Variants in TCF20 observed in about 807,000 individuals in gnomAD.
TCF20 encodes transcription factor 20.
A neutral mutation model predicts 148.6 loss-of-function variants in TCF20; 3 were observed. The observed-to-expected ratio is 0.02, with a 90% CI of 0.01 to 0.05. The LOEUF (loss-of-function observed/expected upper bound fraction) is 0.05, where lower values mean the gene tolerates loss of function less well. Ranked by LOEUF, TCF20 falls within the 10% of genes least tolerant of loss-of-function variation. TCF20 has a pLI of 1.00. For synonymous variants in TCF20, 1,049 were observed against 909.5 expected (o/e 1.15, Z -2.76); for missense variants, 2,350 against 2,429.3 (o/e 0.97, Z 0.69).
At chr22:42,301,061 C>A (rs1317340096) in intron 1 of TCF20, among the ~76,000 whole-genome samples, 1 of 152,052 alleles carries the variant, frequency 6.6e-6, no homozygotes, top group African/African-American at 2.4e-5. Context: ...AAAGGAAGGT[C>A]CTAGGGCAGA....
intron 1 of TCF20, among the ~76,000 whole-genome samples, chr22:42,253,328 G>C (rs118066186): frequency 0.013 from 2,039 of 152,170 alleles, 23 homozygotes; most frequent in Non-Finnish European, 0.023. Context: ...TCCAGAAAGA[G>C]AATTTCCTAA....
At chr22:42,330,209 C>T (rs537743490) in intron 1 of TCF20, among the ~76,000 whole-genome samples, 1 of 152,310 alleles carries the variant, frequency 6.6e-6, no homozygotes, top group East Asian at 1.9e-4. Context: ...TGCTGTGGGT[C>T]TCAATTTCCT....
Position 42,209,642 on chromosome 22 carries a change from C to A in TCF20, c.5655+9G>T. Reference sequence around the variant, plus strand: ...AATCCCAAGCTGGTAAGAGATTTCTCATACTCACCATCTCTCTGGCTATTT... The same window carrying A: ...AATCCCAAGCTGGTAAGAGATTTCTAATACTCACCATCTCTCTGGCTATTT... On this transcript the variant is annotated intron_variant, in intron 2 of 5. Transcript: ENST00000677622. 2 of 1,575,966 alleles carry A rather than the reference C, an allele frequency of 1.3e-6. No individual in the cohort carries two copies. The highest frequency in any genetic ancestry group is 2.3e-5 in the South Asian group (2 of 85,694).
At chr22:42,225,804 G>A (rs1422116696) in intron 1 of TCF20, among the ~76,000 whole-genome samples, 1 of 152,122 alleles carries the variant, frequency 6.6e-6, no homozygotes, top group Non-Finnish European at 1.5e-5. Context: ...TCTACTTCAG[G>A]AAACCTGGTG....
chr22:42,321,092 A>G (rs1927724191), intron 1 of TCF20, among the ~76,000 whole-genome samples: 2 of 152,374 alleles, frequency 1.3e-5, no homozygotes, highest in South Asian at 2.1e-4. Context: ...CAACTGTAAA[A>G]GCCGCGCGCA....
chr22:42,247,439 CAAAAA>C (rs58249230), intron 1 of TCF20, among the ~76,000 whole-genome samples: 1 of 87,396 alleles, frequency 1.1e-5, no homozygotes, highest in Non-Finnish European at 2.3e-5. Context: ...GACTCCATCT[CAAAAA>C]AAAAAAAAAA....
chr22:42,221,265 T>A (rs926029587), intron 1 of TCF20, among the ~76,000 whole-genome samples: 1 of 152,256 alleles, frequency 6.6e-6, no homozygotes, highest in African/African-American at 2.4e-5. Context: ...CACTTCAGTA[T>A]GAAATCATCA....
At chr22:42,244,508 C>T (rs1924742179) in intron 1 of TCF20, among the ~76,000 whole-genome samples, 2 of 152,164 alleles carry the variant, frequency 1.3e-5, no homozygotes, top group Admixed American at 1.3e-4. Context: ...TCTCAAAACA[C>T]TACGCGCTAA....
chr22:42,313,929 T>C (rs1392340129), intron 1 of TCF20, among the ~76,000 whole-genome samples: 1 of 152,230 alleles, frequency 6.6e-6, no homozygotes. Context: ...GGGAACACCT[T>C]TGCCCCGGCT....
At chr22:42,275,593 T>C (rs1487293839), upstream of TCF20, among the ~76,000 whole-genome samples, 1 of 152,206 alleles carries the variant, frequency 6.6e-6, no homozygotes, top group Non-Finnish European at 1.5e-5. Flanking sequence ...GCTGCCTGCC[T>C]CAGGGGAGTC....
chr22:42,325,415 C>T (rs181076842), intron 1 of TCF20, among the ~76,000 whole-genome samples: 4 of 152,346 alleles, frequency 2.6e-5, no homozygotes, highest in Non-Finnish European at 4.4e-5. Context: ...GCCAGGCCCA[C>T]GTGACTGTCA....
chr22:42,169,830 TG>T lies in TCF20; in HGVS notation c.5799+16del. 1 of 1,613,300 alleles carries T rather than the reference TG, an allele frequency of 6.2e-7. No homozygotes were observed. The highest frequency in any genetic ancestry group is 1.7e-4 in the Middle Eastern group (1 of 6,024). ...CGATCCCATCCCTGCTGGTAGCTCTTGGGGCCTCTGACTCACCTTGTGCTTA... is the reference window on the plus strand; with the variant it reads ...CGATCCCATCCCTGCTGGTAGCTCTTGGGCCTCTGACTCACCTTGTGCTTA... On this transcript the variant is annotated intron_variant, in intron 4 of 5. Coordinates refer to ENST00000677622, the MANE Select transcript of TCF20 (RefSeq NM_001378418.1).
chr22:42,162,464 G>A (rs1188141205), intron 5 of TCF20, among the ~76,000 whole-genome samples: 1 of 152,136 alleles, frequency 6.6e-6, no homozygotes, highest in African/African-American at 2.4e-5. Context: ...TGTGCAGAAG[G>A]GGATTCTGAT....
chr22:42,240,950 G>A (rs1601645907), intron 1 of TCF20, among the ~76,000 whole-genome samples: 1 of 152,002 alleles, frequency 6.6e-6, no homozygotes, highest in Admixed American at 6.6e-5. Flanking sequence ...CCGCCTCCCG[G>A]GTTCATACGA....
chr22:42,239,469 T>G (rs1378680757), intron 1 of TCF20, among the ~76,000 whole-genome samples: 3 of 111,752 alleles, frequency 2.7e-5, no homozygotes, highest in African/African-American at 1.1e-4. Context: ...AGAGTGAAAA[T>G]CTCTCTCAGA....
chr22:42,230,248 G>A (rs911247428), intron 1 of TCF20, among the ~76,000 whole-genome samples: 3 of 152,336 alleles, frequency 2.0e-5, no homozygotes, highest in African/African-American at 7.2e-5. Context: ...GGTCCCATCA[G>A]AGTACAATGG....
In TCF20 at chr22:42,212,859, T is replaced by G. The variant is rs778349008; in HGVS notation, c.2447A>C (p.His816Pro). The G allele has an allele frequency of 1.9e-6, 3 of 1,614,194 alleles. No individual in the cohort carries two copies. The highest frequency in any genetic ancestry group is 2.7e-5 in the African/African-American group (2 of 75,058). The change falls in exon 2 of 6, where the codon CAC becomes CCC. Residue 816 changes from histidine to proline, a missense_variant. Transcript: ENST00000677622. ...TGATTTCCTTTCCCAGGGGCCCCAG[T>G]GGGGATTTTCTAATAGAGACCCAAT... ...KSIGSLLENP[H>P]WGPWERKSSS...
At chr22:42,224,115 A>G (rs1448366031) in intron 1 of TCF20, among the ~76,000 whole-genome samples, 1 of 152,154 alleles carries the variant, frequency 6.6e-6, no homozygotes, top group Non-Finnish European at 1.5e-5. Flanking sequence ...GCCATAAAAA[A>G]TATCCACCTT....
chr22:42,304,599 G>C (rs1390436261), intron 1 of TCF20, among the ~76,000 whole-genome samples: 3 of 152,228 alleles, frequency 2.0e-5, no homozygotes, highest in Non-Finnish European at 4.4e-5. Context: ...GTCTACGTCT[G>C]TTGTGCCAGG....
Sources: allele counts gnomAD v4.1 joint callset (sites outside exome capture counted in the v4.1 genomes callset), GRCh38; gene constraint gnomAD v4.1.1; transcripts MANE v1.5; gene names NCBI Gene and HGNC (gene_info 2026-07-23, HGNC 2026-07-21).